The following KCNK10 variants were observed in gnomAD, a reference collection of about 807,000 sequenced individuals.
KCNK10 encodes the protein potassium two pore domain channel subfamily K member 10.
A neutral mutation model predicts 47.7 loss-of-function variants in KCNK10; 25 were observed. That is an observed-to-expected ratio of 0.52 (90% confidence interval 0.38 to 0.73). KCNK10 has a LOEUF of 0.73. Among genes scored for constraint, KCNK10 ranks in the 30% least tolerant of loss-of-function variants. KCNK10 has a pLI of 0.00. For missense variants in KCNK10, 563 were observed against 714.5 expected (o/e 0.79, Z 2.42); for synonymous variants, 303 against 285.6 (o/e 1.06, Z -0.61).
intron 4 of KCNK10, among the ~76,000 whole-genome samples, chr14:88,197,726 G>C (rs1248396533): frequency 1.3e-5 from 2 of 151,426 alleles, no homozygotes; most frequent in African/African-American, 2.4e-5. Flanking sequence ...ACAAGATTTG[G>C]CATTTAATTC....
intron 5 of KCNK10, 24 bp downstream of exon 5, chr14:88,192,200 G>A: frequency 6.3e-7 from 1 of 1,586,562 alleles, no homozygotes; most frequent in South Asian, 1.1e-5. Context: ...GAGCCCCAGT[G>A]CCTGGCCTGC....
intron 4 of KCNK10, among the ~76,000 whole-genome samples, chr14:88,206,179 T>C (rs371186863): frequency 6.6e-6 from 1 of 152,204 alleles, no homozygotes; most frequent in African/African-American, 2.4e-5. Context: ...GAAAGTTACA[T>C]GGGAGCCCCC....
At chr14:88,204,148 G>T (rs1314864418) in intron 4 of KCNK10, among the ~76,000 whole-genome samples, 1 of 152,202 alleles carries the variant, frequency 6.6e-6, no homozygotes, top group Non-Finnish European at 1.5e-5. Flanking sequence ...AAGGAAAAGG[G>T]GGAGAGGTAG....
chr14:88,314,352 A>G (rs1214340957), intron 1 of KCNK10, among the ~76,000 whole-genome samples: 2 of 152,188 alleles, frequency 1.3e-5, no homozygotes, highest in African/African-American at 4.8e-5. Flanking sequence ...GTGGGCCCTC[A>G]CCAGATGCCA....
intron 4 of KCNK10, among the ~76,000 whole-genome samples, chr14:88,218,024 G>A (rs914116847): frequency 1.3e-4 from 19 of 151,416 alleles, no homozygotes; most frequent in African/African-American, 3.6e-4. Flanking sequence ...CGCCCGGCTC[G>A]ATTTTCTTTT....
intron 1 of KCNK10, among the ~76,000 whole-genome samples, chr14:88,290,764 C>T (rs1887858605): frequency 6.6e-6 from 1 of 152,174 alleles, no homozygotes; most frequent in Non-Finnish European, 1.5e-5. Context: ...CTATAAGGTA[C>T]AAAGCCCTAA....
At chr14:88,280,628 A>T (rs1243822009) in intron 1 of KCNK10, among the ~76,000 whole-genome samples, 2 of 152,170 alleles carry the variant, frequency 1.3e-5, no homozygotes, top group Non-Finnish European at 2.9e-5. Flanking sequence ...TCCCCGAATG[A>T]TAGTAATGTT....
Position 88,227,552 on chromosome 14 carries a change from A to C in KCNK10, c.521-17T>G, listed in dbSNP as rs745686234. On this transcript the variant is annotated splice_polypyrimidine_tract_variant and intron_variant, in intron 3 of 6. Transcript: ENST00000319231. ...TCCCATACCCTGGTGAGAAATATGA[A>C]AAAGAGGGAGAGTGGCAGAGAAATT... is the stretch of plus-strand genomic sequence containing the variant. 1 of 1,574,398 alleles carries C rather than the reference A, an allele frequency of 6.4e-7. No individual in the cohort carries two copies. Among genetic ancestry groups the C allele is most frequent in the African/African-American group, 1.4e-5 (1 of 73,038 alleles).
intron 2 of KCNK10, among the ~76,000 whole-genome samples, chr14:88,245,855 ACCACAGG>A (rs1886623000): frequency 6.6e-6 from 1 of 152,190 alleles, no homozygotes. Flanking sequence ...CTATGCTGGG[ACCACAGG>A]ACAGGTGCAA....
chr14:88,310,340 T>A (rs1428512537), intron 1 of KCNK10, among the ~76,000 whole-genome samples: 3 of 151,702 alleles, frequency 2.0e-5, no homozygotes, highest in African/African-American at 7.3e-5. Context: ...TCAGGTCTTT[T>A]TCATCTTTCT....
chr14:88,324,088 G>C (rs550362253), upstream of KCNK10, among the ~76,000 whole-genome samples: 1 of 152,320 alleles, frequency 6.6e-6, no homozygotes, highest in East Asian at 1.9e-4. Flanking sequence ...AGAGAGGCAC[G>C]GGGGCCCCCG....
intron 1 of KCNK10, among the ~76,000 whole-genome samples, chr14:88,278,360 T>C (rs1350216208): frequency 6.6e-6 from 1 of 152,244 alleles, no homozygotes; most frequent in East Asian, 1.9e-4. Flanking sequence ...GCAGTCTCTA[T>C]GTGATGGGTT....
intron 4 of KCNK10, among the ~76,000 whole-genome samples, chr14:88,223,574 G>C (rs975741060): frequency 6.6e-6 from 1 of 151,982 alleles, no homozygotes; most frequent in African/African-American, 2.4e-5. Flanking sequence ...CTTCTGTCTG[G>C]GTGACTCTCC....
intron 1 of KCNK10, among the ~76,000 whole-genome samples, chr14:88,292,046 G>T (rs1887890659): frequency 6.6e-6 from 1 of 152,220 alleles, no homozygotes; most frequent in South Asian, 2.1e-4. Context: ...AAGTCTGGGG[G>T]TCTTCACAGG....
chr14:88,192,152 T>C, intron 5 of KCNK10, 72 bp downstream of exon 5: 1 of 1,410,046 alleles, frequency 7.1e-7, no homozygotes, highest in East Asian at 2.3e-5. Context: ...CTTTTATCGA[T>C]TGCGAAAAGC....
intron 3 of KCNK10, among the ~76,000 whole-genome samples, chr14:88,233,666 G>A (rs1022144928): frequency 7.2e-5 from 11 of 152,164 alleles, no homozygotes; most frequent in Admixed American, 2.6e-4. Context: ...AAAAACCATC[G>A]CATATCAAAC....
At chr14:88,321,255 T>G (rs1888540039) in intron 1 of KCNK10, among the ~76,000 whole-genome samples, 1 of 152,196 alleles carries the variant, frequency 6.6e-6, no homozygotes, top group African/African-American at 2.4e-5. Flanking sequence ...TTAACTCCTA[T>G]ACATCCTCCA....
chr14:88,206,602 T>C lies in KCNK10; in HGVS notation c.682-14192A>G, dbSNP rs532072044. 2.6e-5 allele frequency among the ~76,000 whole-genome samples: 4 copies of C among 152,348 alleles called. No individual in the cohort carries two copies. The East Asian group carries it at 7.7e-4, about 29-fold the overall frequency. On this transcript the variant is annotated intron_variant, in intron 4 of 6. Transcript: ENST00000319231. ...AACCACACCACTGGAGAAAAAGTCC[T>C]TTGTGACATCTTAGTCATCAACACA...
At chr14:88,233,444 T>C (rs1195419246) in intron 3 of KCNK10, among the ~76,000 whole-genome samples, 1 of 152,174 alleles carries the variant, frequency 6.6e-6, no homozygotes, top group African/African-American at 2.4e-5. Context: ...TTTGAACTAA[T>C]AATTGTGGCC....
Sources: allele counts gnomAD v4.1 joint callset (sites outside exome capture counted in the v4.1 genomes callset), GRCh38; gene constraint gnomAD v4.1.1; transcripts MANE v1.5; gene names NCBI Gene and HGNC (gene_info 2026-07-23, HGNC 2026-07-21).